The following PIP5K1A variants were observed in gnomAD, a reference collection of about 807,000 sequenced individuals.
PIP5K1A encodes the protein phosphatidylinositol 4-phosphate 5-kinase type-1 alpha.
A neutral mutation model predicts 72.9 loss-of-function variants in PIP5K1A; 46 were observed. That is an observed-to-expected ratio of 0.63 (90% CI 0.50 to 0.81). PIP5K1A has a LOEUF of 0.81. Among genes scored for constraint, PIP5K1A ranks in the 30% least tolerant of loss-of-function variants. The pLI, the probability that PIP5K1A is intolerant of heterozygous loss-of-function variation, is 0.00. For synonymous variants in PIP5K1A, 228 were observed against 255.1 expected (o/e 0.89, Z 1.01); for missense variants, 458 against 706.1 (o/e 0.65, Z 3.98).
chr1:151,221,312 GA>G (rs1688366542), intron 1 of PIP5K1A, among the ~76,000 whole-genome samples: 1 of 152,098 alleles, frequency 6.6e-6, no homozygotes, highest in South Asian at 2.1e-4. Flanking sequence ...GAGTGATGGA[GA>G]AAAAAGCAGG....
chr1:151,243,698 T>G (rs1014288263), intron 14 of PIP5K1A, among the ~76,000 whole-genome samples: 9 of 152,212 alleles, frequency 5.9e-5, no homozygotes, highest in Non-Finnish European at 1.0e-4. Context: ...TCAGGCTGCT[T>G]CTTTCCAGTA....
At chr1:151,240,560 C>T (rs1323114055) in intron 12 of PIP5K1A, among the ~76,000 whole-genome samples, 2 of 152,132 alleles carry the variant, frequency 1.3e-5, no homozygotes, top group Non-Finnish European at 2.9e-5. Context: ...CTTCTCTTTC[C>T]CTTCTTCTCA....
intron 1 of PIP5K1A, among the ~76,000 whole-genome samples, chr1:151,207,856 T>C (rs1373946645): frequency 1.7e-5 from 2 of 116,346 alleles, no homozygotes; most frequent in Non-Finnish European, 3.6e-5. Flanking sequence ...TTAATAAATA[T>C]GTTGCTCCTT....
At position 151,246,957 on chromosome 1, in the gene PIP5K1A, T is replaced by G; in HGVS notation, c.1678T>G (p.Phe560Val). 1 of 1,613,280 alleles carries G rather than the reference T, an allele frequency of 6.2e-7. No individual in the cohort carries two copies. Among genetic ancestry groups the G allele is most frequent in the Non-Finnish European group, 8.5e-7 (1 of 1,179,282 alleles). ...AAAGCTTGAAGTTGCAGAGTCAGAG[T>G]TCACCCATGTGAGTATCTGGGATGT... ...LEKLEVAESE[F>V]TH Residue 560 changes from phenylalanine (F) to valine (V), a missense_variant, in exon 15 of 16, where the codon TTC (phenylalanine) becomes GTC (valine). Physicochemically the swap from Phe to Val is conservative, Grantham distance 50. Coordinates refer to ENST00000368888, the MANE Select transcript of PIP5K1A (RefSeq NM_001135638.2).
chr1:151,198,509 T>G (rs1490624994), upstream of PIP5K1A: 4 of 195,720 alleles, frequency 2.0e-5, no homozygotes, highest in East Asian at 4.2e-4. Flanking sequence ...CCCCAATGAG[T>G]GGGCTGATGC....
intron 1 of PIP5K1A, among the ~76,000 whole-genome samples, chr1:151,212,475 A>G (rs182541077): frequency 2.2e-4 from 33 of 152,320 alleles, no homozygotes; most frequent in Admixed American, 1.8e-3. Context: ...TTCACCACAA[A>G]CACAATTAAA....
rs190855060 is a variant in PIP5K1A at position 151,205,333 on chromosome 1, G to A, written c.85+6252G>A. 4.4e-3 allele frequency among the ~76,000 whole-genome samples: 675 copies of A among 152,014 alleles called. 6 individuals carry two copies. Among genetic ancestry groups the A allele is most frequent in the Middle Eastern group, 0.014 (4 of 294 alleles). On this transcript the variant is annotated intron_variant, in intron 1 of 15. Coordinates refer to ENST00000368888, the MANE Select transcript of PIP5K1A (RefSeq NM_001135638.2). ...TAGGATCACAGGCGTGCGCCACCAC[G>A]CCCAGATAATTTTTGTATTTTTAGT...
intron 1 of PIP5K1A, among the ~76,000 whole-genome samples, chr1:151,203,227 C>T (rs981593176): frequency 6.6e-6 from 1 of 152,050 alleles, no homozygotes; most frequent in Admixed American, 6.6e-5. Flanking sequence ...TGTGTGACTT[C>T]CTCAAGGAAA....
chr1:151,219,770 G>A (rs982657651), intron 1 of PIP5K1A, among the ~76,000 whole-genome samples: 1 of 151,854 alleles, frequency 6.6e-6, no homozygotes, highest in Non-Finnish European at 1.5e-5. Context: ...TTGGGAGGCT[G>A]AGGTGGAAGG....
chr1:151,224,388 G>A lies in PIP5K1A; in HGVS notation c.138G>A (p.Gln46=), dbSNP rs115531330. Residue 46 remains glutamine, a synonymous_variant, in exon 3 of 16, where the codon CAG becomes CAA. Transcript: ENST00000368888. The part of the protein sequence containing the change: ...PMASEVLEAR[Q]DSYISLVPYA... ...CTACTTAGGTCTTGGAAGCTAGACA[G>A]GATTCTTACATCTCATTGGTAGGCT... 7.0e-4 allele frequency: 1,120 copies of A among 1,604,990 alleles called. No individual in the cohort carries two copies. Among genetic ancestry groups the A allele is most frequent in the Non-Finnish European group, 9.2e-4 (1,076 of 1,172,104 alleles).
chr1:151,204,274 T>C (rs755408912), intron 1 of PIP5K1A, among the ~76,000 whole-genome samples: 1 of 152,202 alleles, frequency 6.6e-6, no homozygotes, highest in Non-Finnish European at 1.5e-5. Flanking sequence ...CCTCTGGGGT[T>C]TGAGTGATTC....
intron 3 of PIP5K1A, among the ~76,000 whole-genome samples, chr1:151,226,375 G>A (rs1160676337): frequency 3.3e-5 from 5 of 151,818 alleles, no homozygotes; most frequent in Admixed American, 6.6e-5. Context: ...GTGAGCCACC[G>A]CACCCGGCCA....
intron 1 of PIP5K1A, among the ~76,000 whole-genome samples, chr1:151,207,657 A>G (rs1332811744): frequency 6.7e-6 from 1 of 148,510 alleles, no homozygotes; most frequent in Non-Finnish European, 1.5e-5. Flanking sequence ...TCAGCCTCCC[A>G]AGTAGCTGGG....
chr1:151,205,047 G>T (rs1186232301), intron 1 of PIP5K1A, among the ~76,000 whole-genome samples: 2 of 152,088 alleles, frequency 1.3e-5, no homozygotes, highest in Non-Finnish European at 2.9e-5. Context: ...GTTTTTCTTG[G>T]ATAATAAAGT....
chr1:151,245,693 G>A (rs1352630363), intron 14 of PIP5K1A, among the ~76,000 whole-genome samples: 5 of 152,030 alleles, frequency 3.3e-5, no homozygotes, highest in African/African-American at 9.7e-5. Context: ...GCACCATCAT[G>A]CCTGGCTAAT....
At chr1:151,213,308 T>G (rs1250272079) in intron 1 of PIP5K1A, among the ~76,000 whole-genome samples, 1 of 152,218 alleles carries the variant, frequency 6.6e-6, no homozygotes, top group Non-Finnish European at 1.5e-5. Flanking sequence ...AAAAATTGAC[T>G]GGGTTGTTTT....
intron 4 of PIP5K1A, 135 bp downstream of exon 4, chr1:151,227,535 T>C (rs1689333570): frequency 4.0e-6 from 2 of 501,872 alleles, no homozygotes; most frequent in East Asian, 3.1e-5. Flanking sequence ...TAATACAGCT[T>C]AGACTTTAGA....
At chr1:151,203,271 A>G (rs971665496) in intron 1 of PIP5K1A, among the ~76,000 whole-genome samples, 38 of 152,072 alleles carry the variant, frequency 2.5e-4, no homozygotes, top group Admixed American at 3.9e-4. Flanking sequence ...GCTCACACCT[A>G]TATTCTCAGC....
Position 151,218,779 on chromosome 1 carries a change from G to A in PIP5K1A, c.86-5466G>A, listed in dbSNP as rs139373379. On this transcript the variant is annotated intron_variant, in intron 1 of 15. Coordinates refer to ENST00000368888, the MANE Select transcript of PIP5K1A (RefSeq NM_001135638.2). ...ACCTGGGAGATGGAGGTTGCAGTGA[G>A]CTGAGATCACACTACTGCACTCCAG... 1.5e-3 allele frequency among the ~76,000 whole-genome samples: 204 copies of A among 138,732 alleles called. 2 individuals carry two copies. Among genetic ancestry groups the A allele is most frequent in the African/African-American group, 5.3e-3 (194 of 36,928 alleles). 91.0% of individuals were successfully genotyped at this position (138,732 alleles called of 152,430 possible).
Sources: allele counts gnomAD v4.1 joint callset (sites outside exome capture counted in the v4.1 genomes callset), GRCh38; gene constraint gnomAD v4.1.1; transcripts MANE v1.5; gene names NCBI Gene and HGNC (gene_info 2026-07-23, HGNC 2026-07-21).